WWOX: variants seen among roughly 807,000 people sequenced by gnomAD.
The protein encoded by WWOX is WW domain containing oxidoreductase.
In WWOX, 69 loss-of-function variants were observed where a neutral mutation model predicts 46.2. That is an observed-to-expected ratio of 1.49 (90% CI 1.23 to 1.82). WWOX has a LOEUF of 1.82. Among genes scored for constraint, WWOX ranks in the 40% most tolerant of loss-of-function variants. WWOX has a pLI of 0.00. For missense variants in WWOX, 919 were observed against 542.6 expected, an observed-to-expected ratio of 1.69 and a Z score of -6.89; for synonymous variants, 359 against 202.6, an observed-to-expected ratio of 1.77 and a Z score of -6.56.
chr16:78,964,013 A>G (rs745363780), intron 8 of WWOX, among the ~76,000 whole-genome samples: 3 of 152,208 alleles, frequency 2.0e-5, no homozygotes, highest in African/African-American at 4.8e-5. Context: ...CACCTCCACC[A>G]TGATTCTGAG....
In WWOX at chr16:79,086,806, C is replaced by T. The variant is rs867735109; in HGVS notation, c.1057-124802C>T. Among the ~76,000 whole-genome samples the T allele has an allele frequency of 8.5e-5, 13 of 152,294 alleles. No individual in the cohort carries two copies. In the South Asian group the frequency reaches 2.5e-3, roughly 29 times the overall value. ...GCTAAGGCAGGAGGACTGCTTCACG[C>T]TGGGAGGTGAAGGATGCAGTGAACT... On this transcript the variant is annotated intron_variant, in intron 8 of 8. Transcript: ENST00000566780.
In WWOX at chr16:78,385,899, C is replaced by T. The variant is rs528675011; in HGVS notation, c.517-961C>T. The stretch of plus-strand genomic sequence containing the variant: ...AGTGATAGTATTTAATCTCGCACTC[C>T]GAAGCGCACCCAGATTTAAAAGTTG... On this transcript the variant is annotated intron_variant, in intron 5 of 8. Transcript: ENST00000566780. Among the ~76,000 whole-genome samples, 84 of 152,264 alleles carry T rather than the reference C, an allele frequency of 5.5e-4. 1 individual carries two copies. The highest frequency in any genetic ancestry group is 1.8e-3 in the African/African-American group (75 of 41,558).
At chr16:79,110,697 A>T (rs1357238298) in intron 8 of WWOX, 1 of 152,170 alleles carries the variant, frequency 6.6e-6, no homozygotes, top group Non-Finnish European at 1.5e-5. Flanking sequence ...GGAAATGAAG[A>T]GCCACTTTCA....
At chr16:78,366,905 G>C (rs2081546932) in intron 5 of WWOX, among the ~76,000 whole-genome samples, 1 of 151,530 alleles carries the variant, frequency 6.6e-6, no homozygotes, top group South Asian at 2.1e-4. Context: ...CCAAAGCCTG[G>C]GGGGTGGATG....
At chr16:78,233,067 G>A (rs2037320776) in intron 5 of WWOX, among the ~76,000 whole-genome samples, 1 of 152,178 alleles carries the variant, frequency 6.6e-6, no homozygotes, top group African/African-American at 2.4e-5. Flanking sequence ...TTAGAAGTCT[G>A]TAGAAGGAAG....
chr16:78,716,250 G>C (rs146418306), intron 8 of WWOX, among the ~76,000 whole-genome samples: 5 of 152,050 alleles, frequency 3.3e-5, no homozygotes, highest in Admixed American at 2.6e-4. Context: ...TATCATGAAC[G>C]GGGGAATGTC....
chr16:79,042,300 C>A (rs2047986443), intron 8 of WWOX, among the ~76,000 whole-genome samples: 1 of 152,174 alleles, frequency 6.6e-6, no homozygotes. Context: ...TGGGTGGAAA[C>A]ATGCACCTTC....
At chr16:78,712,033 C>G (rs371723471) in intron 8 of WWOX, among the ~76,000 whole-genome samples, 2 of 152,152 alleles carry the variant, frequency 1.3e-5, no homozygotes, top group Non-Finnish European at 2.9e-5. Context: ...AATCATAGGG[C>G]GCCTGAGCTC....
intron 5 of WWOX, among the ~76,000 whole-genome samples, chr16:78,193,228 G>A (rs1019891409): frequency 3.3e-5 from 5 of 152,250 alleles, no homozygotes; most frequent in African/African-American, 1.2e-4. Context: ...ACAGGAAAGT[G>A]AGGCAAAGGC....
chr16:78,940,189 G>A (rs191881105), intron 8 of WWOX, among the ~76,000 whole-genome samples: 183 of 152,248 alleles, frequency 1.2e-3, no homozygotes, highest in Non-Finnish European at 1.7e-3. Context: ...CATGAATGCT[G>A]TATTACACAC....
intron 8 of WWOX, among the ~76,000 whole-genome samples, chr16:79,029,303 C>A (rs1181579354): frequency 6.6e-6 from 1 of 152,140 alleles, no homozygotes; most frequent in African/African-American, 2.4e-5. Flanking sequence ...CAGCTGCAGG[C>A]ATGGGGAAGA....
At chr16:78,152,962 T>C (rs2034468575) in intron 4 of WWOX, among the ~76,000 whole-genome samples, 1 of 152,232 alleles carries the variant, frequency 6.6e-6, no homozygotes, top group South Asian at 2.1e-4. Context: ...TAGGAAGCTC[T>C]GTAGGGATTT....
chr16:78,935,976 G>A (rs1043058463), intron 8 of WWOX, among the ~76,000 whole-genome samples: 1 of 152,154 alleles, frequency 6.6e-6, no homozygotes, highest in Non-Finnish European at 1.5e-5. Context: ...AAGTTGGAAG[G>A]GTGTGATGGG....
intron 8 of WWOX, among the ~76,000 whole-genome samples, chr16:78,624,657 A>G (rs553368823): frequency 4.5e-4 from 69 of 152,284 alleles, no homozygotes; most frequent in Non-Finnish European, 6.8e-4. Context: ...AGAAGGGGGA[A>G]AAAACCCTCA....
Position 78,659,446 on chromosome 16 carries a change from A to G in WWOX, c.1056+226694A>G, listed in dbSNP as rs188283524. Among the ~76,000 whole-genome samples, 306 of 152,194 alleles carry G rather than the reference A, an allele frequency of 2.0e-3. 2 individuals are homozygous for G. The highest frequency in any genetic ancestry group is 2.7e-3 in the Non-Finnish European group (184 of 68,012). On this transcript the variant is annotated intron_variant, in intron 8 of 8. Coordinates refer to ENST00000566780, the MANE Select transcript of WWOX (RefSeq NM_016373.4). ...ACCCCGCCAGACTTCCTGAACCAGA[A>G]ACTCTGGGAGTAGGGCTCAGCAATC...
chr16:78,860,900 C>T lies in WWOX; in HGVS notation c.1057-350708C>T, dbSNP rs1045393002. On this transcript the variant is annotated intron_variant, in intron 8 of 8. Coordinates refer to ENST00000566780, the MANE Select transcript of WWOX (RefSeq NM_016373.4). ...CACCCAGGCTAGAGTGCAGTGGCCT[C>T]AACCTCCCAGGCCCAGGTGATCCTC... Among the ~76,000 whole-genome samples the T allele has an allele frequency of 5.4e-4, 82 of 152,268 alleles. 1 individual carries two copies. The highest frequency in any genetic ancestry group is 1.9e-4 in the Non-Finnish European group (13 of 68,008).
intron 8 of WWOX, among the ~76,000 whole-genome samples, chr16:79,117,127 C>G (rs1046276830): frequency 8.6e-5 from 13 of 152,042 alleles, no homozygotes; most frequent in Non-Finnish European, 1.5e-5. Context: ...TCCTCCTACT[C>G]CAGCCTTCCC....
intron 8 of WWOX, among the ~76,000 whole-genome samples, chr16:78,972,577 G>C (rs11865279): frequency 0.036 from 5,410 of 152,030 alleles, 318 homozygotes; most frequent in African/African-American, 0.12. Flanking sequence ...CAGCAGGTGT[G>C]TAAATGTTCC....
chr16:78,172,716 G>A (rs1000470106), intron 5 of WWOX, among the ~76,000 whole-genome samples: 4 of 151,982 alleles, frequency 2.6e-5, no homozygotes, highest in African/African-American at 9.7e-5. Flanking sequence ...TGAAAGTCAA[G>A]CATAGGTGGC....
Sources: allele counts gnomAD v4.1 joint callset (sites outside exome capture counted in the v4.1 genomes callset), GRCh38; gene constraint gnomAD v4.1.1; transcripts MANE v1.5; gene names NCBI Gene and HGNC (gene_info 2026-07-23, HGNC 2026-07-21).